GMDS: variants seen among roughly 807,000 people sequenced by gnomAD.
GMDS encodes GDP-mannose 4,6-dehydratase.
GMDS carries 20 observed loss-of-function variants against 49.9 expected under a neutral mutation model. The observed-to-expected ratio is 0.40, with a 90% CI of 0.28 to 0.58. The LOEUF is 0.58. GMDS is among the 20% of genes least tolerant of loss of function. The pLI is 0.42. For missense variants in GMDS, 362 were observed against 481.4 expected, an observed-to-expected ratio of 0.75 and a Z score of 2.32; for synonymous variants, 177 against 178.6, an observed-to-expected ratio of 0.99 and a Z score of 0.07.
At chr6:2,066,263 G>C (rs1408883410) in intron 4 of GMDS, among the ~76,000 whole-genome samples, 2 of 150,138 alleles carry the variant, frequency 1.3e-5, no homozygotes, top group African/African-American at 4.9e-5. Flanking sequence ...AGCTCCTGAA[G>C]AAAGCGCTAA....
At chr6:2,099,663 T>C (rs1185408906) in intron 4 of GMDS, among the ~76,000 whole-genome samples, 1 of 152,098 alleles carries the variant, frequency 6.6e-6, no homozygotes, top group African/African-American at 2.4e-5. Context: ...TTATACAGCA[T>C]TTAACTTTAA....
chr6:1,887,896 C>T (rs556009614), intron 7 of GMDS, among the ~76,000 whole-genome samples: 47 of 152,158 alleles, frequency 3.1e-4, no homozygotes, highest in Non-Finnish European at 5.4e-4. Context: ...ATACTAAATA[C>T]AATGTAGATG....
chr6:2,028,433 T>C (rs531424288), intron 4 of GMDS, among the ~76,000 whole-genome samples: 106 of 152,298 alleles, frequency 7.0e-4, no homozygotes, highest in Non-Finnish European at 1.2e-3. Context: ...TAGGAAAAAA[T>C]GACACATTTC....
chr6:2,044,897 TG>T (rs1415983984), intron 4 of GMDS, among the ~76,000 whole-genome samples: 5 of 152,250 alleles, frequency 3.3e-5, no homozygotes, highest in East Asian at 1.9e-4. Flanking sequence ...TGTGTGTGTG[TG>T]TGTTTTTTTC....
At chr6:2,195,358 AT>A in intron 1 of GMDS, among the ~76,000 whole-genome samples, 1 of 152,180 alleles carries the variant, frequency 6.6e-6, no homozygotes, top group African/African-American at 2.4e-5. Context: ...AAAAAAAAAA[AT>A]CTATTCCAAG....
At chr6:1,832,961 C>G (rs571916113) in intron 7 of GMDS, among the ~76,000 whole-genome samples, 315 of 152,040 alleles carry the variant, frequency 2.1e-3, no homozygotes, top group Non-Finnish European at 4.0e-3. Context: ...ACATTCAGGC[C>G]ACACGAGGAA....
In GMDS at chr6:2,121,367, A is replaced by C. The variant is rs576101154; in HGVS notation, c.147+3320T>G. ...GACCCCTGTAGGTAATAAAGAATGA[A>C]AGAGTGTTACATCCATTCTCCTCAT... On this transcript the variant is annotated intron_variant, in intron 2 of 10. Transcript: ENST00000380815. Among the ~76,000 whole-genome samples, 3 of 152,342 alleles carry C rather than the reference A, an allele frequency of 2.0e-5. No homozygotes were observed. In the South Asian group the frequency reaches 6.2e-4, roughly 32 times the overall value.
intron 9 of GMDS, among the ~76,000 whole-genome samples, chr6:1,642,846 T>C (rs940005465): frequency 6.6e-6 from 1 of 152,228 alleles, no homozygotes; most frequent in Non-Finnish European, 1.5e-5. Flanking sequence ...CTCGGATCTC[T>C]GCTCCTAAAG....
chr6:1,897,664 G>A (rs1051884614), intron 7 of GMDS, among the ~76,000 whole-genome samples: 21 of 152,186 alleles, frequency 1.4e-4, no homozygotes, highest in Non-Finnish European at 2.4e-4. Flanking sequence ...TCTGAGTTGG[G>A]AGCATCTCAT....
intron 1 of GMDS, among the ~76,000 whole-genome samples, chr6:2,195,902 A>T (rs1371821518): frequency 6.6e-6 from 1 of 151,896 alleles, no homozygotes; most frequent in Non-Finnish European, 1.5e-5. Flanking sequence ...GTGAAGTTAA[A>T]CATCTATCTA....
intron 4 of GMDS, among the ~76,000 whole-genome samples, chr6:2,084,188 T>C (rs574114841): frequency 3.3e-5 from 5 of 152,232 alleles, no homozygotes; most frequent in Admixed American, 6.5e-5. Flanking sequence ...TTCCTCCTCA[T>C]AGATACTCTT....
chr6:1,674,341 C>G (rs567339196), intron 9 of GMDS, among the ~76,000 whole-genome samples: 1 of 152,034 alleles, frequency 6.6e-6, no homozygotes, highest in African/African-American at 2.4e-5. Context: ...TGTCTATTAG[C>G]TCATTTTTAA....
At chr6:1,738,470 C>T (rs1767134614) in intron 8 of GMDS, among the ~76,000 whole-genome samples, 1 of 152,212 alleles carries the variant, frequency 6.6e-6, no homozygotes, top group Admixed American at 6.5e-5. Context: ...TCTAAATATA[C>T]AGATGGCGAC....
intron 4 of GMDS, among the ~76,000 whole-genome samples, chr6:2,111,935 T>C (rs897018647): frequency 6.6e-6 from 1 of 152,206 alleles, no homozygotes; most frequent in African/African-American, 2.4e-5. Flanking sequence ...CAACCCACCA[T>C]GGAGAGCCCT....
chr6:2,201,350 T>A, intron 1 of GMDS, among the ~76,000 whole-genome samples: 2 of 99,114 alleles, frequency 2.0e-5, no homozygotes, highest in African/African-American at 4.1e-5. Context: ...AGCAGAGAGG[T>A]GAAGGATGAA....
chr6:1,652,137 C>T lies in GMDS; in HGVS notation c.988-27597G>A, dbSNP rs530533612. Among the ~76,000 whole-genome samples the T allele has an allele frequency of 1.3e-3, 196 of 150,562 alleles. 1 individual carries two copies. Among genetic ancestry groups the T allele is most frequent in the African/African-American group, 4.2e-3 (173 of 40,942 alleles). ...TCTGTAATCCCAGCACTTTGGGAGG[C>T]GAGGCGGGTGGATCATCTGAGGTCA... On this transcript the variant is annotated intron_variant, in intron 9 of 10. Transcript: ENST00000380815.
chr6:1,672,026 C>A (rs140170064), intron 9 of GMDS, among the ~76,000 whole-genome samples: 112 of 152,190 alleles, frequency 7.4e-4, no homozygotes, highest in African/African-American at 2.6e-3. Context: ...TTGCATCAAC[C>A]CAATAAATTT....
At chr6:1,680,213 C>T (rs1031880506) in intron 9 of GMDS, among the ~76,000 whole-genome samples, 2 of 152,184 alleles carry the variant, frequency 1.3e-5, no homozygotes, top group African/African-American at 4.8e-5. Context: ...CAGAGGTGAA[C>T]TTCACTTATA....
chr6:1,827,055 C>T (rs1010368007), intron 7 of GMDS, among the ~76,000 whole-genome samples: 15 of 148,788 alleles, frequency 1.0e-4, no homozygotes, highest in South Asian at 2.2e-4. Context: ...AGAAGAGCTA[C>T]GCTGTCTCTT....
Sources: allele counts gnomAD v4.1 joint callset (sites outside exome capture counted in the v4.1 genomes callset), GRCh38; gene constraint gnomAD v4.1.1; transcripts MANE v1.5; gene names NCBI Gene and HGNC (gene_info 2026-07-23, HGNC 2026-07-21).